Variants in RAB1A observed in about 807,000 individuals in gnomAD.
The protein encoded by RAB1A is RAB1A, member RAS oncogene family.
RAB1A carries 2 observed loss-of-function variants against 26.0 expected under a neutral mutation model. That is an observed-to-expected ratio of 0.08 (90% confidence interval 0.03 to 0.24). RAB1A has a LOEUF of 0.24. Among genes scored for constraint, RAB1A ranks in the 10% least tolerant of loss-of-function variants. The probability of loss-of-function intolerance (pLI) is 1.00; values close to 1 mark genes in which losing one functional copy is unlikely to be tolerated. For synonymous variants in RAB1A, 84 were observed against 84.9 expected, an observed-to-expected ratio of 0.99 and a Z score of 0.06; for missense variants, 100 against 247.0, an observed-to-expected ratio of 0.40 and a Z score of 3.99.
At chr2:65,116,750 TA>T (rs1422670149) in intron 1 of RAB1A, among the ~76,000 whole-genome samples, 1 of 152,222 alleles carries the variant, frequency 6.6e-6, no homozygotes. Context: ...AGTTAAAGTT[TA>T]AAAATTGCCA....
intron 1 of RAB1A, among the ~76,000 whole-genome samples, chr2:65,109,136 C>G (rs576371124): frequency 6.6e-6 from 1 of 152,126 alleles, no homozygotes; most frequent in African/African-American, 2.4e-5. Context: ...ACTGAATATT[C>G]GTGAGAATTC....
chr2:65,111,677 T>C (rs935908989), intron 1 of RAB1A, among the ~76,000 whole-genome samples: 2 of 152,340 alleles, frequency 1.3e-5, no homozygotes, highest in South Asian at 2.1e-4. Context: ...ATGTTACTAT[T>C]AGGAAAAGCG....
intron 3 of RAB1A, among the ~76,000 whole-genome samples, chr2:65,093,789 A>AT (rs1025950088): frequency 9.2e-5 from 14 of 151,606 alleles, no homozygotes; most frequent in African/African-American, 3.2e-4. Context: ...TGCCCAGCTA[A>AT]TTTTTTTGTA....
At chr2:65,129,848 A>T in intron 1 of RAB1A, 45 bp downstream of exon 1, 1 of 1,576,606 alleles carries the variant, frequency 6.3e-7, no homozygotes, top group Non-Finnish European at 8.6e-7. Context: ...AAGATCCCCC[A>T]AGCTGGCCCA....
intron 1 of RAB1A, among the ~76,000 whole-genome samples, chr2:65,112,163 T>G (rs77788077): frequency 6.6e-6 from 1 of 151,610 alleles, no homozygotes; most frequent in Non-Finnish European, 1.5e-5. Flanking sequence ...TTTTTTTTTT[T>G]GAGACAGAGT....
At chr2:65,110,181 C>A (rs938647494) in intron 1 of RAB1A, among the ~76,000 whole-genome samples, 1 of 152,174 alleles carries the variant, frequency 6.6e-6, no homozygotes, top group Non-Finnish European at 1.5e-5. Context: ...GTGGCTCACG[C>A]CTGTAATCCC....
At chr2:65,117,016 T>C (rs573771167) in intron 1 of RAB1A, among the ~76,000 whole-genome samples, 65 of 152,238 alleles carry the variant, frequency 4.3e-4, no homozygotes, top group Non-Finnish European at 5.9e-4. Context: ...AAAAGCCCAT[T>C]TATAAATAAT....
At chr2:65,121,781 A>G (rs1193259145) in intron 1 of RAB1A, among the ~76,000 whole-genome samples, 2 of 151,678 alleles carry the variant, frequency 1.3e-5, no homozygotes, top group Admixed American at 1.3e-4. Flanking sequence ...CTCTCCCTCT[A>G]AAGCGGGGGC....
intron 1 of RAB1A, among the ~76,000 whole-genome samples, chr2:65,121,294 C>T (rs1156455185): frequency 6.7e-6 from 1 of 149,094 alleles, no homozygotes; most frequent in African/African-American, 2.5e-5. Flanking sequence ...TGCTAAATAG[C>T]ACCTAGTATT....
Position 65,088,367 on chromosome 2 carries a change from A to T in RAB1A, c.*126T>A, listed in dbSNP as rs1344645645. On this transcript the variant is annotated 3_prime_UTR_variant, in exon 6 of 6. Coordinates refer to ENST00000409784, the MANE Select transcript of RAB1A (RefSeq NM_004161.5). ...CAGTATTGACCATTTACAATCTCTG[A>T]CCTTTGTGGAGACGGTAAGAATCTG... 6.5e-6 allele frequency: 5 copies of T among 768,542 alleles called. No homozygotes were observed. The highest frequency in any genetic ancestry group is 1.0e-5 in the Non-Finnish European group (5 of 499,106). 47.6% of individuals were successfully genotyped at this position (768,542 alleles called of 1,614,324 possible). A position where few individuals can be genotyped will look rare whatever the true frequency, so the allele number is the denominator to read the frequency against.
At chr2:65,105,511 C>CAAAAAAAAAAAAAAAA (rs60594101) in intron 1 of RAB1A, 3 of 33,008 alleles carry the variant, frequency 9.1e-5, no homozygotes, top group African/African-American at 3.1e-4. Flanking sequence ...AACTCTGTCT[C>CAAAAAAAAAAAAAAAA]AAAAAAAAAA....
chr2:65,097,690 G>A (rs750116437), intron 3 of RAB1A, among the ~76,000 whole-genome samples: 1 of 152,136 alleles, frequency 6.6e-6, no homozygotes, highest in Non-Finnish European at 1.5e-5. Context: ...AGGTAAACTT[G>A]AACTTAGATT....
chr2:65,094,511 G>A (rs1420386362), intron 3 of RAB1A, among the ~76,000 whole-genome samples: 2 of 151,756 alleles, frequency 1.3e-5, no homozygotes, highest in Non-Finnish European at 2.9e-5. Context: ...TTGAACCTGG[G>A]AGGCGGAGGT....
chr2:65,114,651 G>A (rs1669781374), intron 1 of RAB1A, among the ~76,000 whole-genome samples: 1 of 151,958 alleles, frequency 6.6e-6, no homozygotes, highest in Non-Finnish European at 1.5e-5. Context: ...AGACCATCCT[G>A]GCTAACAAGG....
At chr2:65,117,627 T>G (rs1381337293) in intron 1 of RAB1A, among the ~76,000 whole-genome samples, 1 of 152,138 alleles carries the variant, frequency 6.6e-6, no homozygotes, top group Non-Finnish European at 1.5e-5. Context: ...AGTGCAGTGA[T>G]GCAATGTGGG....
chr2:65,103,904 G>A (rs10202290), intron 2 of RAB1A, among the ~76,000 whole-genome samples: 2 of 151,746 alleles, frequency 1.3e-5, no homozygotes, highest in African/African-American at 4.8e-5. Context: ...TCAGCCTCCC[G>A]AGTAGCTGGG....
At chr2:65,093,616 GT>G (rs558740492) in intron 3 of RAB1A, among the ~76,000 whole-genome samples, 23 of 150,030 alleles carry the variant, frequency 1.5e-4, no homozygotes, top group African/African-American at 5.7e-4. Flanking sequence ...GTAAAATCTT[GT>G]GTTTAGATTT....
chr2:65,094,584 CA>C (rs11301138), intron 3 of RAB1A, among the ~76,000 whole-genome samples: 104,910 of 120,998 alleles, frequency 0.87, 44,895 homozygotes, highest in East Asian at 0.98. Context: ...AACTCCGTCT[CA>C]AAAAAAAAAA....
At chr2:65,127,147 T>C (rs922370458) in intron 1 of RAB1A, among the ~76,000 whole-genome samples, 1 of 152,212 alleles carries the variant, frequency 6.6e-6, no homozygotes, top group African/African-American at 2.4e-5. Context: ...TTGATCCCTT[T>C]GAGGTCATTA....
Sources: gnomAD v4.1 joint callset for allele counts (sites outside exome capture counted in the v4.1 genomes callset) on GRCh38, gnomAD v4.1.1 for gene constraint, MANE v1.5 for transcripts, NCBI Gene and HGNC (gene_info 2026-07-23, HGNC 2026-07-21) for gene names.